The following MATN2 variants were observed in gnomAD, a reference collection of about 807,000 sequenced individuals.
MATN2 encodes matrilin-2.
In MATN2, 69 loss-of-function variants were observed where a neutral mutation model predicts 103.2. That is an observed-to-expected ratio of 0.67 (90% CI 0.55 to 0.82). The LOEUF (loss-of-function observed/expected upper bound fraction) is 0.82, where lower values mean the gene tolerates loss of function less well. Ranked by LOEUF, MATN2 falls within the 40% of genes least tolerant of loss-of-function variation. MATN2 has a pLI of 0.00. For missense variants in MATN2, 1,023 were observed against 1,211.5 expected (o/e 0.84, Z 2.31); for synonymous variants, 429 against 450.2 (o/e 0.95, Z 0.60).
At chr8:97,933,764 A>C (rs982372536) in intron 3 of MATN2, among the ~76,000 whole-genome samples, 1 of 152,102 alleles carries the variant, frequency 6.6e-6, no homozygotes, top group Admixed American at 6.6e-5. Context: ...TCTGCAGGAG[A>C]CAGGGCTGCT....
Position 98,007,657 on chromosome 8 carries a change from G to T in MATN2, c.1573+56G>T. On this transcript the variant is annotated intron_variant, in intron 10 of 18. Coordinates refer to ENST00000254898, the MANE Select transcript of MATN2 (RefSeq NM_002380.5). The surrounding 1 kb of genome is among the most constrained non-coding windows in gnomAD (Gnocchi z 4.2). ...ACAGGTGTTCCGTGGGTGCCGGTGT[G>T]GGTGCGCTGCCGACGTGTATATGTG... 6.4e-7 allele frequency: 1 copy of T among 1,571,814 alleles called. No individual in the cohort carries two copies.
At chr8:97,924,034 T>C (rs1809903156) in intron 2 of MATN2, among the ~76,000 whole-genome samples, 2 of 152,238 alleles carry the variant, frequency 1.3e-5, no homozygotes, top group Admixed American at 1.3e-4. Context: ...TTTTTCACTG[T>C]CTTTCACCTC....
At chr8:98,031,120 C>G (rs979519023) in intron 15 of MATN2, among the ~76,000 whole-genome samples, 1 of 151,942 alleles carries the variant, frequency 6.6e-6, no homozygotes, top group African/African-American at 2.4e-5. Context: ...GAGGATTGCT[C>G]GAGCCCAGGA....
chr8:97,928,099 T>G (rs547512657), intron 2 of MATN2, among the ~76,000 whole-genome samples: 14 of 152,280 alleles, frequency 9.2e-5, no homozygotes, highest in Non-Finnish European at 1.8e-4. Context: ...GCCTGGGTCT[T>G]GGGAATGCTC....
chr8:97,953,377 C>G (rs894603963), intron 4 of MATN2, among the ~76,000 whole-genome samples: 1 of 152,212 alleles, frequency 6.6e-6, no homozygotes, highest in Non-Finnish European at 1.5e-5. Flanking sequence ...TTGTTGAATA[C>G]TTACTGTCAG....
intron 2 of MATN2, among the ~76,000 whole-genome samples, chr8:97,924,899 G>T (rs1424106282): frequency 6.6e-6 from 1 of 152,096 alleles, no homozygotes; most frequent in Non-Finnish European, 1.5e-5. Flanking sequence ...TATTCATCAT[G>T]AGTATAGCTT....
Position 98,007,222 on chromosome 8 carries a change from G to T in MATN2, c.1445G>T (p.Cys482Phe), listed in dbSNP as rs1319353449. ...GFLINEDLKT[C>F]SRVDYCLLSD... The stretch of plus-strand genomic sequence containing the variant: ...CTCATCAACGAGGACCTCAAGACCT[G>T]CTCCCGTGAGTCCCTCCGCGCTCCT... The change falls in exon 9 of 19, where the codon TGC becomes TTC. Residue 482 changes from cysteine (C) to phenylalanine (F), a missense_variant. Cys to Phe is a radical substitution (Grantham distance 205). Transcript: ENST00000254898. The surrounding 1 kb of genome is among the most constrained non-coding windows in gnomAD (Gnocchi z 4.2). 6.2e-7 allele frequency: 1 copy of T among 1,613,790 alleles called. No homozygotes were observed. Among genetic ancestry groups the T allele is most frequent in the African/African-American group, 1.3e-5 (1 of 74,926 alleles).
Position 97,889,459 on chromosome 8 carries a change from C to CTA in MATN2, c.142+1246_142+1247dup, listed in dbSNP as rs56115197. Among the ~76,000 whole-genome samples, 186 of 123,398 alleles carry CTA rather than the reference C, an allele frequency of 1.5e-3. 1 individual carries two copies. Among genetic ancestry groups the CTA allele is most frequent in the East Asian group, 6.4e-3 (22 of 3,426 alleles). The allele number at this position is 123,398 out of a possible 152,430, so 81.0% of individuals were successfully genotyped here. ...AACATCTCTCTCTCTCTCTCTCTGT[C>CTA]TATATATATATATATATATATATAT... On this transcript the variant is annotated intron_variant, in intron 2 of 18. Transcript: ENST00000254898.
chr8:97,941,186 G>GAAAAAAAAAA (rs1274606689), intron 3 of MATN2, among the ~76,000 whole-genome samples: 3 of 70,084 alleles, frequency 4.3e-5, no homozygotes, highest in Non-Finnish European at 7.1e-5. Context: ...AAAAAAAAAA[G>GAAAAAAAAAA]AAAGAAAGAA....
At chr8:97,922,410 A>G (rs1249317917) in intron 2 of MATN2, among the ~76,000 whole-genome samples, 1 of 152,106 alleles carries the variant, frequency 6.6e-6, no homozygotes, top group Non-Finnish European at 1.5e-5. Flanking sequence ...CTTATTTCTC[A>G]CTGAAAAAGA....
At chr8:97,944,046 G>A (rs937787075) in intron 4 of MATN2, among the ~76,000 whole-genome samples, 4 of 152,152 alleles carry the variant, frequency 2.6e-5, no homozygotes, top group African/African-American at 9.7e-5. Flanking sequence ...CTAGGGATGT[G>A]CCACAGGAGA....
rs1017760699 is a variant in MATN2, at chr8:97,927,133, T to A, written c.143-3820T>A. Among the ~76,000 whole-genome samples, 8 of 19,806 alleles carry A rather than the reference T, an allele frequency of 4.0e-4. No homozygotes were observed. The East Asian group carries it at 0.087, about 217-fold the overall frequency. 13.0% of individuals were successfully genotyped at this position (19,806 alleles called of 152,430 possible). On this transcript the variant is annotated intron_variant, in intron 2 of 18. Transcript: ENST00000254898. ...TTAGTTTTGTTCTGTTTTGTTTTGT[T>A]TTTGTTTTTGTTTTTGTTTTTGTTT... is the stretch of plus-strand genomic sequence containing the variant.
intron 14 of MATN2, 36 bp downstream of exon 14, chr8:98,027,865 A>T (rs930276240): frequency 3.3e-6 from 5 of 1,513,188 alleles, no homozygotes; most frequent in Non-Finnish European, 4.4e-6. Flanking sequence ...ACACCACTCA[A>T]GGTTCAGGTT....
At chr8:98,012,212 T>C (rs916458860) in intron 10 of MATN2, among the ~76,000 whole-genome samples, 4 of 152,108 alleles carry the variant, frequency 2.6e-5, no homozygotes, top group Admixed American at 2.6e-4. Flanking sequence ...ACCTGCATTG[T>C]GCGGGGTGCT....
intron 2 of MATN2, among the ~76,000 whole-genome samples, chr8:97,910,906 A>G (rs760144884): frequency 6.6e-6 from 1 of 152,236 alleles, no homozygotes; most frequent in Non-Finnish European, 1.5e-5. Context: ...ACCATGGCTC[A>G]ATAACATAGT....
chr8:97,921,452 C>T (rs759016281), intron 2 of MATN2, among the ~76,000 whole-genome samples: 6 of 147,736 alleles, frequency 4.1e-5, no homozygotes, highest in East Asian at 1.9e-4. Flanking sequence ...CCGCAGCTGG[C>T]GACTGACTAA....
intron 2 of MATN2, among the ~76,000 whole-genome samples, chr8:97,890,196 G>A (rs990124266): frequency 4.6e-5 from 7 of 152,156 alleles, no homozygotes; most frequent in African/African-American, 1.7e-4. Context: ...GCCGGACATG[G>A]TGGCTCACAC....
chr8:97,910,111 G>C (rs1190624608), intron 2 of MATN2, among the ~76,000 whole-genome samples: 1 of 149,960 alleles, frequency 6.7e-6, no homozygotes, highest in Non-Finnish European at 1.5e-5. Context: ...GCCCAGGCTG[G>C]AGTGCAGTGG....
chr8:98,025,724 C>A, intron 13 of MATN2: 1 of 431,044 alleles, frequency 2.3e-6, no homozygotes, highest in Non-Finnish European at 4.6e-6. Flanking sequence ...CCAGCCTGGG[C>A]GACACAGCAA....
Sources: allele counts gnomAD v4.1 joint callset (sites outside exome capture counted in the v4.1 genomes callset), GRCh38; gene constraint gnomAD v4.1.1; non-coding constraint Gnocchi (gnomAD v3.1); transcripts MANE v1.5; gene names NCBI Gene and HGNC (gene_info 2026-07-23, HGNC 2026-07-21).